DEPDC5: variants seen among roughly 807,000 people sequenced by gnomAD.
DEPDC5 encodes the protein DEP domain containing 5, GATOR1 subcomplex subunit.
DEPDC5 carries 73 observed loss-of-function variants against 217.3 expected under a neutral mutation model. The observed-to-expected ratio is 0.34, with a 90% CI of 0.28 to 0.41. The LOEUF (loss-of-function observed/expected upper bound fraction) is 0.41, where lower values mean the gene tolerates loss of function less well. Ranked by LOEUF, DEPDC5 falls within the 10% of genes least tolerant of loss-of-function variation. DEPDC5 has a pLI of 1.00. For synonymous variants in DEPDC5, 733 were observed against 756.7 expected (o/e 0.97, Z 0.51); for missense variants, 1,675 against 2,070.1 (o/e 0.81, Z 3.70).
At chr22:31,832,342 A>G (rs1213908965) in intron 24 of DEPDC5, among the ~76,000 whole-genome samples, 3 of 152,210 alleles carry the variant, frequency 2.0e-5, no homozygotes, top group African/African-American at 7.2e-5. Context: ...TCTGTTTTCC[A>G]AAGTGGTGTG....
At chr22:31,879,390 C>G in intron 37 of DEPDC5, 135 bp from the exon 38 acceptor site, 1 of 767,810 alleles carries the variant, frequency 1.3e-6, no homozygotes, top group South Asian at 1.7e-5. Flanking sequence ...ATAAATGGAA[C>G]TATACAGTAT....
At chr22:31,772,756 C>A (rs1042444419) in intron 7 of DEPDC5, among the ~76,000 whole-genome samples, 4 of 150,740 alleles carry the variant, frequency 2.7e-5, no homozygotes, top group Admixed American at 6.6e-5. Flanking sequence ...CTATTGCTTC[C>A]TCTTTTATTT....
intron 25 of DEPDC5, among the ~76,000 whole-genome samples, chr22:31,836,686 C>T (rs912426771): frequency 3.3e-5 from 5 of 152,186 alleles, no homozygotes; most frequent in African/African-American, 1.2e-4. Context: ...CGTAATCTCA[C>T]CTGCATTGCG....
At chr22:31,871,055 CA>C (rs1756912368) in intron 34 of DEPDC5, among the ~76,000 whole-genome samples, 2 of 152,126 alleles carry the variant, frequency 1.3e-5, no homozygotes, top group Admixed American at 6.5e-5. Flanking sequence ...GCCTGTGGCA[CA>C]ATGTCTTGCA....
chr22:31,906,451 C>G lies in DEPDC5; in HGVS notation c.4766C>G (p.Thr1589Arg). The G allele has an allele frequency of 6.2e-7, 1 of 1,614,042 alleles. No individual in the cohort carries two copies. Among genetic ancestry groups the G allele is most frequent in the Non-Finnish European group, 8.5e-7 (1 of 1,180,052 alleles). Residue 1589 changes from threonine (T) to arginine (R), a missense_variant, in exon 43 of 43, where the codon ACG becomes AGG. This residue lies in a region of DEPDC5 where 49 missense variants were observed against 74.7 expected (regional missense o/e 0.66). Coordinates refer to ENST00000651528, the MANE Select transcript of DEPDC5 (RefSeq NM_001242896.3). This position sits in a 1 kb window ranked among gnomAD's most constrained non-coding sequence, Gnocchi z 5.1. Reference protein sequence around the residue: ...FCINRDNRLVTFWTSCLEKMH... With the variant: ...FCINRDNRLVRFWTSCLEKMH... ...ATCAACCGTGACAACCGGCTGGTCA[C>G]GTTCTGGACAAGTTGCCTGGAGAAG...
chr22:31,900,376 C>T (rs1435223361), intron 40 of DEPDC5, among the ~76,000 whole-genome samples: 2 of 151,974 alleles, frequency 1.3e-5, no homozygotes, highest in African/African-American at 4.8e-5. Context: ...TTATTTGCTT[C>T]AATTTTCCTA....
chr22:31,780,409 CTT>C (rs1260221425), intron 8 of DEPDC5, among the ~76,000 whole-genome samples: 1 of 152,174 alleles, frequency 6.6e-6, no homozygotes, highest in Non-Finnish European at 1.5e-5. Context: ...TGGGAAAAGT[CTT>C]TTGGATGCCT....
intron 22 of DEPDC5, among the ~76,000 whole-genome samples, chr22:31,820,774 T>G (rs1398896929): frequency 6.6e-6 from 1 of 152,210 alleles, no homozygotes; most frequent in African/African-American, 2.4e-5. Context: ...TGCAAACAGT[T>G]TGCTTCGCTT....
At chr22:31,804,653 T>C (rs2087285756) in intron 16 of DEPDC5, among the ~76,000 whole-genome samples, 189 bp from the exon 17 acceptor site, 1 of 152,246 alleles carries the variant, frequency 6.6e-6, no homozygotes, top group South Asian at 2.1e-4. Context: ...TTGGCCAGGC[T>C]GGTCTTGAAC....
chr22:31,838,397 A>G (rs1257283272), intron 26 of DEPDC5, among the ~76,000 whole-genome samples: 1 of 152,076 alleles, frequency 6.6e-6, no homozygotes, highest in Non-Finnish European at 1.5e-5. Flanking sequence ...GCGTGCCACC[A>G]TACTTGGTTA....
At chr22:31,776,175 G>A (rs1468803990) in intron 7 of DEPDC5, among the ~76,000 whole-genome samples, 5 of 150,834 alleles carry the variant, frequency 3.3e-5, no homozygotes, top group Admixed American at 1.3e-4. Context: ...GCAGTGGTGC[G>A]ATCACAGCTC....
intron 30 of DEPDC5, among the ~76,000 whole-genome samples, chr22:31,845,444 G>C (rs1381852624): frequency 6.6e-6 from 1 of 152,198 alleles, no homozygotes; most frequent in African/African-American, 2.4e-5. Flanking sequence ...GGTGTTCTGT[G>C]GCATAGAGCC....
intron 30 of DEPDC5, among the ~76,000 whole-genome samples, chr22:31,845,614 C>T (rs887549070): frequency 6.6e-6 from 1 of 152,160 alleles, no homozygotes; most frequent in African/African-American, 2.4e-5. Flanking sequence ...TCCAGAGTTC[C>T]CAGCACCCTG....
At chr22:31,859,079 G>GCTTT (rs2092410871) in intron 32 of DEPDC5, 1 of 67,008 alleles carries the variant, frequency 1.5e-5, no homozygotes, top group Non-Finnish European at 2.8e-5. Context: ...CCATTCCTTT[G>GCTTT]TTTTTTTTTT....
intron 31 of DEPDC5, 106 bp downstream of exon 31, chr22:31,847,073 G>A (rs2149039268): frequency 2.0e-6 from 3 of 1,510,278 alleles, no homozygotes; most frequent in South Asian, 2.4e-5. Context: ...CAAGGAGCTT[G>A]TAATTAGGGA....
intron 9 of DEPDC5, chr22:31,784,557 C>T (rs1209185262): frequency 2.8e-5 from 9 of 323,766 alleles, no homozygotes; most frequent in Non-Finnish European, 4.0e-5. Flanking sequence ...TGAACCTGGG[C>T]GGCAGTGAGC....
At chr22:31,828,305 G>A (rs1411653664) in intron 24 of DEPDC5, among the ~76,000 whole-genome samples, 1 of 152,094 alleles carries the variant, frequency 6.6e-6, no homozygotes, top group East Asian at 1.9e-4. Context: ...TACAAAATTA[G>A]CCAGGCGTGG....
intron 38 of DEPDC5, among the ~76,000 whole-genome samples, chr22:31,880,635 C>T (rs2093148256): frequency 6.6e-6 from 1 of 152,252 alleles, no homozygotes; most frequent in African/African-American, 2.4e-5. Flanking sequence ...CACGGTGGCC[C>T]ACGCCTGTAA....
At chr22:31,905,203 G>A (rs2093734874) in intron 41 of DEPDC5, among the ~76,000 whole-genome samples, 1 of 151,864 alleles carries the variant, frequency 6.6e-6, no homozygotes. Context: ...TTCTTTTTGA[G>A]ATGGAGTCTC....
Sources: gnomAD v4.1 joint callset for allele counts (sites outside exome capture counted in the v4.1 genomes callset) on GRCh38, gnomAD v4.1.1 for gene constraint, gnomAD v4.1.1 regional missense constraint, Gnocchi (gnomAD v3.1) non-coding constraint, MANE v1.5 for transcripts, NCBI Gene and HGNC (gene_info 2026-07-23, HGNC 2026-07-21) for gene names.